The following ATRNL1 variants were observed in gnomAD, a reference collection of about 807,000 sequenced individuals.
The protein encoded by ATRNL1 is attractin like 1, also known as attractin-like protein 1.
A neutral mutation model predicts 182.7 loss-of-function variants in ATRNL1; 95 were observed. The ratio of observed to expected loss-of-function variants is 0.52; its 90% confidence interval spans 0.44 to 0.62. The LOEUF is 0.62. ATRNL1 is among the 20% of genes least tolerant of loss of function. The pLI is 0.00. For synonymous variants in ATRNL1, 576 were observed against 568.3 expected (o/e 1.01, Z -0.19); for missense variants, 1,471 against 1,679.5 (o/e 0.88, Z 2.17).
At position 115,458,031 on chromosome 10, in the gene ATRNL1, G is replaced by T. The variant is rs372919719; in HGVS notation, c.3323-3910G>T. ...GAATTGATTTATAGTCAATCATGTT[G>T]TAATTTCTTTATACCATAATAGAGT... On this transcript the variant is annotated intron_variant, in intron 21 of 28. Transcript: ENST00000355044. 5.3e-5 allele frequency among the ~76,000 whole-genome samples: 8 copies of T among 152,090 alleles called. 1 individual carries two copies. The highest frequency in any genetic ancestry group is 1.9e-4 in the African/African-American group (8 of 41,504).
chr10:115,487,047 G>T (rs1233833378), intron 24 of ATRNL1, among the ~76,000 whole-genome samples: 1 of 152,126 alleles, frequency 6.6e-6, no homozygotes, highest in Admixed American at 6.5e-5. Flanking sequence ...TCAGATGGTT[G>T]TAGATGTGTG....
intron 27 of ATRNL1, among the ~76,000 whole-genome samples, chr10:115,804,519 T>C (rs1949873519): frequency 6.6e-6 from 1 of 152,160 alleles, no homozygotes; most frequent in South Asian, 2.1e-4. Flanking sequence ...ATGTGCAAAG[T>C]AGGATGAGTG....
intron 21 of ATRNL1, among the ~76,000 whole-genome samples, chr10:115,440,466 A>G (rs1846617192): frequency 6.6e-6 from 1 of 151,922 alleles, no homozygotes; most frequent in Admixed American, 6.6e-5. Context: ...AAATTCAAAT[A>G]TCTTACACCT....
intron 28 of ATRNL1, among the ~76,000 whole-genome samples, chr10:115,913,165 AT>A (rs1416918589): frequency 1.3e-5 from 2 of 152,224 alleles, no homozygotes; most frequent in Non-Finnish European, 2.9e-5. Context: ...CTAAAGTAAT[AT>A]TTTAACTGAT....
At chr10:115,204,579 G>A (rs1213918242) in intron 8 of ATRNL1, among the ~76,000 whole-genome samples, 4 of 152,050 alleles carry the variant, frequency 2.6e-5, no homozygotes, top group Admixed American at 1.3e-4. Context: ...TTAATGTGGT[G>A]TATCACATTA....
rs1554862273 is a variant in ATRNL1 at position 115,093,791 on chromosome 10, C to T, written c.41C>T (p.Pro14Leu). ...GGRARTGTPQ[P>L]AAPGVWRARP... is the part of the protein sequence containing the mutation. ...CGGGCCCGCACTGGTACCCCGCAGC[C>T]AGCGGCCCCGGGGGTGTGGAGGGCT... The change falls in exon 1 of 29, where the codon CCA becomes CTA. Residue 14 changes from proline to leucine, a missense_variant. Pro to Leu is a moderately conservative substitution (Grantham distance 98). Transcript: ENST00000355044. The surrounding 1 kb of genome is among the most constrained non-coding windows in gnomAD (Gnocchi z 6.1). The T allele has an allele frequency of 4.2e-6, 6 of 1,431,678 alleles. No homozygotes were observed. The highest frequency in any genetic ancestry group is 5.5e-6 in the Non-Finnish European group (6 of 1,099,010). 88.7% of individuals were successfully genotyped at this position (1,431,678 alleles called of 1,614,324 possible).
chr10:115,602,154 G>C (rs1274559146), intron 26 of ATRNL1, among the ~76,000 whole-genome samples: 1 of 151,994 alleles, frequency 6.6e-6, no homozygotes, highest in African/African-American at 2.4e-5. Flanking sequence ...AGGAGTTCGA[G>C]ACCAGCCTGG....
intron 26 of ATRNL1, among the ~76,000 whole-genome samples, chr10:115,679,435 C>A (rs1265010216): frequency 6.6e-6 from 1 of 151,940 alleles, no homozygotes; most frequent in Non-Finnish European, 1.5e-5. Flanking sequence ...ACCCTGCCTG[C>A]AGGTTTTTTT....
chr10:115,519,211 A>G, intron 24 of ATRNL1, 52 bp from the exon 25 acceptor site: 3 of 1,427,492 alleles, frequency 2.1e-6, no homozygotes, highest in East Asian at 2.3e-5. Context: ...AAATATCACC[A>G]CAGGTTTTAG....
intron 8 of ATRNL1, among the ~76,000 whole-genome samples, chr10:115,208,319 C>T (rs1006087520): frequency 2.6e-5 from 4 of 151,978 alleles, no homozygotes; most frequent in Non-Finnish European, 4.4e-5. Flanking sequence ...GGGTCTCTTT[C>T]TATTGGATGA....
chr10:115,225,582 A>G (rs1427337775), intron 9 of ATRNL1, among the ~76,000 whole-genome samples: 1 of 150,356 alleles, frequency 6.7e-6, no homozygotes, highest in Non-Finnish European at 1.5e-5. Flanking sequence ...TACCAGGAAC[A>G]GTTTAAAACT....
rs549075875 is a variant in ATRNL1 at position 115,506,521 on chromosome 10, A to AAAAAAACT, written c.3655-12734_3655-12727dup. ...GTACTCTACCAGCCTAGAAGCTGGA[A>AAAAAAACT]AAAAAACTAAAAAACAAAAACCTGA... On this transcript the variant is annotated intron_variant, in intron 24 of 28. Transcript: ENST00000355044. 1.4e-4 allele frequency among the ~76,000 whole-genome samples: 22 copies of AAAAAAACT among 152,100 alleles called. No homozygotes were observed. The South Asian group carries it at 4.6e-3, about 32-fold the overall frequency.
At chr10:115,369,139 A>G (rs782042813) in intron 19 of ATRNL1, among the ~76,000 whole-genome samples, 1 of 151,802 alleles carries the variant, frequency 6.6e-6, no homozygotes, top group Non-Finnish European at 1.5e-5. Context: ...AAAACACCGG[A>G]TTTGCTTATT....
At chr10:115,531,333 G>A (rs1356919854) in intron 25 of ATRNL1, among the ~76,000 whole-genome samples, 1 of 152,002 alleles carries the variant, frequency 6.6e-6, no homozygotes, top group Non-Finnish European at 1.5e-5. Context: ...ACTGGTGTGA[G>A]ATGGTATCTC....
chr10:115,918,538 C>T (rs1952948625), intron 28 of ATRNL1, among the ~76,000 whole-genome samples: 1 of 152,110 alleles, frequency 6.6e-6, no homozygotes, highest in African/African-American at 2.4e-5. Flanking sequence ...ATTTCAGTAA[C>T]TTTAAAGAAA....
At chr10:115,468,324 A>G (rs1461190533) in intron 23 of ATRNL1, among the ~76,000 whole-genome samples, 1 of 150,898 alleles carries the variant, frequency 6.6e-6, no homozygotes, top group African/African-American at 2.4e-5. Context: ...TTAGTATGCA[A>G]GACATCACGT....
intron 21 of ATRNL1, among the ~76,000 whole-genome samples, chr10:115,447,440 A>G (rs1847059029): frequency 1.3e-5 from 2 of 151,456 alleles, no homozygotes; most frequent in African/African-American, 4.9e-5. Flanking sequence ...AGTACTTTAT[A>G]TATGTCAAAC....
At chr10:115,926,948 A>T (rs782730528) in intron 28 of ATRNL1, among the ~76,000 whole-genome samples, 2 of 152,062 alleles carry the variant, frequency 1.3e-5, no homozygotes, top group Admixed American at 6.6e-5. Context: ...CCAAAGTCAG[A>T]CAGAGACACA....
At chr10:115,283,045 C>T (rs1852444341) in intron 14 of ATRNL1, among the ~76,000 whole-genome samples, 1 of 151,908 alleles carries the variant, frequency 6.6e-6, no homozygotes, top group Non-Finnish European at 1.5e-5. Context: ...TGGAAAATTC[C>T]ATCACAGAAT....
Sources: allele counts gnomAD v4.1 joint callset (sites outside exome capture counted in the v4.1 genomes callset), GRCh38; gene constraint gnomAD v4.1.1; non-coding constraint Gnocchi (gnomAD v3.1); transcripts MANE v1.5; gene names NCBI Gene and HGNC (gene_info 2026-07-23, HGNC 2026-07-21).